Variants in GSG1L2 observed in about 807,000 individuals in gnomAD.
GSG1L2 encodes the protein germ cell-specific gene 1-like protein 2.
GSG1L2 carries 15 observed loss-of-function variants against 9.0 expected under a neutral mutation model. The ratio of observed to expected loss-of-function variants is 1.67; its 90% CI spans 1.12 to 2.57. The LOEUF (loss-of-function observed/expected upper bound fraction) is 2.57, where lower values mean the gene tolerates loss of function less well. Ranked by LOEUF, GSG1L2 falls within the 30% of genes most tolerant of loss-of-function variation. GSG1L2 has a pLI of 0.00. For missense variants in GSG1L2, 286 were observed against 150.3 expected (o/e 1.90, Z -4.72); for synonymous variants, 127 against 57.9 (o/e 2.19, Z -5.41).
In GSG1L2 at chr17:9,801,214, T is replaced by C. The variant is rs542279260; in HGVS notation, c.*1172A>G. On this transcript the variant is annotated 3_prime_UTR_variant, in exon 5 of 5. Coordinates refer to ENST00000399363, the MANE Select transcript of GSG1L2 (RefSeq NM_001310219.2). ...GCAGTCCCTTTCTTTTCTTTTTCTT[T>C]TTCTTTTTTTTGAGACAGGGTCTCA... is the stretch of plus-strand genomic sequence containing the variant. Among the ~76,000 whole-genome samples the C allele has an allele frequency of 6.6e-6, 1 of 152,210 alleles. No individual in the cohort carries two copies. The highest frequency in any genetic ancestry group is 2.1e-4 in the South Asian group (1 of 4,822).
At position 9,816,168 on chromosome 17, in the gene GSG1L2, T is replaced by C. The variant is rs138253748; in HGVS notation, c.311-5550A>G. ...GTTCTTTTCTTTATAAATTACCTAGTTTCTGGTATTCTGTTTTAAGCAACA... is the reference window on the plus strand; with the variant it reads ...GTTCTTTTCTTTATAAATTACCTAGCTTCTGGTATTCTGTTTTAAGCAACA... On this transcript the variant is annotated intron_variant, in intron 1 of 4. Transcript: ENST00000399363. Among the ~76,000 whole-genome samples, 13 of 152,308 alleles carry C rather than the reference T, an allele frequency of 8.5e-5. 1 individual carries two copies. In the East Asian group the frequency reaches 2.3e-3, roughly 27 times the overall value.
intron 1 of GSG1L2, among the ~76,000 whole-genome samples, chr17:9,816,409 T>C (rs918957527): frequency 1.3e-4 from 19 of 151,012 alleles, no homozygotes; most frequent in South Asian, 4.3e-4. Context: ...TGTGTGTGTG[T>C]GTGTGTCTGT....
Position 9,802,360 on chromosome 17 carries a change from G to A in GSG1L2, c.*26C>T, listed in dbSNP as rs1270274149. 4 of 629,102 alleles carry A rather than the reference G, an allele frequency of 6.4e-6. No individual in the cohort carries two copies. Among genetic ancestry groups the A allele is most frequent in the South Asian group, 5.3e-5 (3 of 57,124 alleles). 39.0% of individuals were successfully genotyped at this position (629,102 alleles called of 1,614,324 possible). ...GTCAGTGCCTGGCTTGTTTGCCTGT[G>A]CGGATGTGGCAGCCATGGACACTGG... On this transcript the variant is annotated 3_prime_UTR_variant, in exon 5 of 5. Coordinates refer to ENST00000399363, the MANE Select transcript of GSG1L2 (RefSeq NM_001310219.2).
In GSG1L2 at chr17:9,821,847, A is replaced by G. The variant is rs1295180462; in HGVS notation, c.225T>C (p.Ile75=). The G allele has an allele frequency of 1.7e-5, 12 of 703,216 alleles. No homozygotes were observed. The highest frequency in any genetic ancestry group is 6.0e-5 in the Admixed American group (3 of 49,988). The allele number at this position is 703,216 out of a possible 1,614,324, so 43.6% of individuals were successfully genotyped here. A position where few individuals can be genotyped will look rare whatever the true frequency, so the allele number is the denominator to read the frequency against. The change falls in exon 1 of 5, where the codon ATT becomes ATC. Residue 75 remains isoleucine (I), a synonymous_variant. Coordinates refer to ENST00000399363, the MANE Select transcript of GSG1L2 (RefSeq NM_001310219.2). ...TGAACTTGTCATCACCCAGCTCCCA[A>G]ATGTACAGGACAGCCTGGCTATTGT... The part of the protein sequence containing the change: ...MDNNSQAVLY[I]WELGDDKFIQ...
At chr17:9,816,760 T>G (rs1203098279) in intron 1 of GSG1L2, among the ~76,000 whole-genome samples, 1 of 106,184 alleles carries the variant, frequency 9.4e-6, no homozygotes, top group Non-Finnish European at 1.9e-5. Flanking sequence ...TGTGTATCTG[T>G]GTCTGTGTGT....
chr17:9,809,046 A>G, intron 2 of GSG1L2, 64 bp from the exon 3 acceptor site: 1 of 688,120 alleles, frequency 1.5e-6, no homozygotes, highest in Non-Finnish European at 2.7e-6. Flanking sequence ...AAAATGTTCA[A>G]TCCTTTGATT....
At position 9,808,976 on chromosome 17, in the gene GSG1L2, A is replaced by C; in HGVS notation, c.365T>G (p.Leu122Trp). 1.4e-6 allele frequency: 1 copy of C among 703,078 alleles called. No homozygotes were observed. Among genetic ancestry groups the C allele is most frequent in the South Asian group, 1.5e-5 (1 of 67,608 alleles). The allele number at this position is 703,078 out of a possible 1,614,324, so 43.6% of individuals were successfully genotyped here. A position where few individuals can be genotyped will look rare whatever the true frequency, so the allele number is the denominator to read the frequency against. The change falls in exon 3 of 5, where the codon TTG becomes TGG. Residue 122 changes from leucine (L) to tryptophan (W), a missense_variant. Transcript: ENST00000399363. ...GACCTCGCCCCCGATGGACAGCCACAAAACACCTGCCAAAGAACGGGATGT... is the reference window on the plus strand; with the variant it reads ...GACCTCGCCCCCGATGGACAGCCACCAAACACCTGCCAAAGAACGGGATGT... ...SVVPAEEQGV[L>W]WLSIGGEVLD...
chr17:9,816,763 CTG>C (rs74660900), intron 1 of GSG1L2, among the ~76,000 whole-genome samples: 76,317 of 145,048 alleles, frequency 0.53, 20,778 homozygotes, highest in East Asian at 0.99. Flanking sequence ...GTATCTGTGT[CTG>C]TGTGTGCGTG....
At chr17:9,816,892 G>T (rs1482372608) in intron 1 of GSG1L2, among the ~76,000 whole-genome samples, 1 of 135,120 alleles carries the variant, frequency 7.4e-6, no homozygotes, top group Non-Finnish European at 1.5e-5. Flanking sequence ...CTGTGTGTGT[G>T]TATCTGTGTG....
chr17:9,813,320 G>C (rs1189614989), intron 1 of GSG1L2, among the ~76,000 whole-genome samples: 2 of 152,184 alleles, frequency 1.3e-5, no homozygotes, highest in Non-Finnish European at 2.9e-5. Context: ...ATTTCCTGGA[G>C]CTTCTCCACT....
intron 4 of GSG1L2, among the ~76,000 whole-genome samples, chr17:9,803,000 G>A (rs1173381312): frequency 6.6e-6 from 1 of 152,246 alleles, no homozygotes; most frequent in East Asian, 1.9e-4. Flanking sequence ...GAGTGAATGC[G>A]TGGGAAGTAT....
chr17:9,806,843 A>G (rs1030484540), intron 4 of GSG1L2, among the ~76,000 whole-genome samples: 26 of 152,244 alleles, frequency 1.7e-4, no homozygotes, highest in Non-Finnish European at 1.3e-4. Context: ...TTCAGACTCT[A>G]ACAACTCACG....
chr17:9,816,213 A>T (rs1412005491), intron 1 of GSG1L2, among the ~76,000 whole-genome samples: 1 of 152,260 alleles, frequency 6.6e-6, no homozygotes, highest in Non-Finnish European at 1.5e-5. Flanking sequence ...CAACGACAGA[A>T]GTCAAGAAAT....
Position 9,820,411 on chromosome 17 carries a change from T to C in GSG1L2, c.310+1351A>G, listed in dbSNP as rs1437473875. On this transcript the variant is annotated intron_variant, in intron 1 of 4. Transcript: ENST00000399363. The surrounding 1 kb of genome is among the most constrained non-coding windows in gnomAD (Gnocchi z 4.9). ...TCCAGGATGCAGGGTCCTGAGACTT[T>C]TGCCTCTGTCCATGAAGGTGGGGAA... Among the ~76,000 whole-genome samples, 4 of 152,208 alleles carry C rather than the reference T, an allele frequency of 2.6e-5. No individual in the cohort carries two copies. The highest frequency in any genetic ancestry group is 9.6e-5 in the African/African-American group (4 of 41,452).
chr17:9,809,008 C>A (rs1315887617), intron 2 of GSG1L2, 26 bp from the exon 3 acceptor site: 2 of 702,110 alleles, frequency 2.8e-6, no homozygotes, highest in Non-Finnish European at 2.6e-6. Context: ...ATGTTGGAAA[C>A]GCTGGACACT....
chr17:9,816,868 G>GTGTA (rs879425798), intron 1 of GSG1L2, among the ~76,000 whole-genome samples: 6 of 143,332 alleles, frequency 4.2e-5, no homozygotes, highest in Admixed American at 2.0e-4. Context: ...GTATGTGTGT[G>GTGTA]TCTGTGTGTG....
At position 9,821,799 on chromosome 17, in the gene GSG1L2, C is replaced by T; in HGVS notation, c.273G>A (p.Gly91=). The stretch of plus-strand genomic sequence containing the variant: ...GGCTCTCCTCGCAGGACTGCCAGAG[C>T]CCCACATGGAACCCCCGCTGAATGA... ...DKFIQRGFHV[G]LWQSCEESLN... is the part of the protein sequence containing the mutation. The change falls in exon 1 of 5, where the codon GGG becomes GGA. Residue 91 remains glycine (G), a synonymous_variant. Transcript: ENST00000399363. The T allele has an allele frequency of 1.4e-6, 1 of 703,530 alleles. No individual in the cohort carries two copies. Among genetic ancestry groups the T allele is most frequent in the South Asian group, 1.5e-5 (1 of 67,602 alleles). The allele number at this position is 703,530 out of a possible 1,614,324, so 43.6% of individuals were successfully genotyped here.
At chr17:9,817,014 C>T (rs1307638134) in intron 1 of GSG1L2, among the ~76,000 whole-genome samples, 1 of 151,990 alleles carries the variant, frequency 6.6e-6, no homozygotes, top group African/African-American at 2.4e-5. Context: ...AAGAGCCTCA[C>T]ACATCTCTCA....
chr17:9,815,013 G>A (rs536015694), intron 1 of GSG1L2, among the ~76,000 whole-genome samples: 119 of 152,318 alleles, frequency 7.8e-4, no homozygotes, highest in Non-Finnish European at 1.4e-3. Context: ...AAAGATGTGG[G>A]TTCCCTTTAA....
Sources: gnomAD v4.1 joint callset for allele counts (sites outside exome capture counted in the v4.1 genomes callset) on GRCh38, gnomAD v4.1.1 for gene constraint, Gnocchi (gnomAD v3.1) non-coding constraint, MANE v1.5 for transcripts, NCBI Gene and HGNC (gene_info 2026-07-23, HGNC 2026-07-21) for gene names.